ARHGAP15: variants seen among roughly 807,000 people sequenced by gnomAD.
The protein encoded by ARHGAP15 is Rho GTPase activating protein 15.
Under a neutral mutation model 63.7 loss-of-function variants are expected in ARHGAP15, and 51 were observed. The ratio of observed to expected loss-of-function variants is 0.80; its 90% confidence interval spans 0.64 to 1.01. The LOEUF is 1.01. Among genes scored for constraint, ARHGAP15 ranks in the 50% least tolerant of loss-of-function variants. The pLI is 0.00. For synonymous variants in ARHGAP15, 191 were observed against 193.8 expected (o/e 0.99, Z 0.12); for missense variants, 560 against 564.6 (o/e 0.99, Z 0.08).
rs543376915 is a variant in ARHGAP15 at position 143,394,744 on chromosome 2, T to C, written c.475-40857T>C. ...ATCATCCCATACACTTCAATGTCAG[T>C]TGTATTTCACATTTTGAAATGCTTG... On this transcript the variant is annotated intron_variant, in intron 6 of 13. Transcript: ENST00000295095. Among the ~76,000 whole-genome samples, 6 of 152,306 alleles carry C rather than the reference T, an allele frequency of 3.9e-5. No individual in the cohort carries two copies. In the East Asian group the frequency reaches 1.2e-3, roughly 29 times the overall value.
chr2:143,621,012 A>G (rs923635045), intron 11 of ARHGAP15, among the ~76,000 whole-genome samples: 1 of 152,196 alleles, frequency 6.6e-6, no homozygotes, highest in African/African-American at 2.4e-5. Context: ...ATCTTTGTTG[A>G]GTTACTTCTA....
At chr2:143,599,052 G>A (rs547012661) in intron 11 of ARHGAP15, among the ~76,000 whole-genome samples, 57 of 152,064 alleles carry the variant, frequency 3.7e-4, no homozygotes, top group African/African-American at 1.3e-3. Context: ...GGGAGAGTAG[G>A]GGTACATTGT....
chr2:143,207,196 TTGCATATA>T (rs1393703449), intron 3 of ARHGAP15, among the ~76,000 whole-genome samples: 1 of 151,958 alleles, frequency 6.6e-6, no homozygotes, highest in Non-Finnish European at 1.5e-5. Flanking sequence ...GTTGATTTAC[TTGCATATA>T]GTAGGGTTTC....
At chr2:143,387,644 G>A (rs11896013) in intron 6 of ARHGAP15, among the ~76,000 whole-genome samples, 1,613 of 151,916 alleles carry the variant, frequency 0.011, 39 homozygotes, top group African/African-American at 0.037. Flanking sequence ...TTAATTACCA[G>A]GTATGAACCA....
intron 13 of ARHGAP15, among the ~76,000 whole-genome samples, chr2:143,734,964 C>A (rs745524319): frequency 1.5e-4 from 23 of 152,158 alleles, no homozygotes; most frequent in Non-Finnish European, 2.9e-4. Context: ...ATGTCGTGTC[C>A]TCTCTCTTAA....
At chr2:143,205,150 G>A (rs1234683089) in intron 3 of ARHGAP15, among the ~76,000 whole-genome samples, 1 of 151,622 alleles carries the variant, frequency 6.6e-6, no homozygotes, top group East Asian at 1.9e-4. Context: ...AGCCACGTGT[G>A]GTGGCACTCA....
At chr2:143,484,220 G>A (rs1692206062) in intron 8 of ARHGAP15, among the ~76,000 whole-genome samples, 1 of 152,080 alleles carries the variant, frequency 6.6e-6, no homozygotes, top group Admixed American at 6.6e-5. Flanking sequence ...ACAAAAATTA[G>A]CTAGGCATGG....
intron 6 of ARHGAP15, among the ~76,000 whole-genome samples, chr2:143,273,460 CA>C (rs150223724): frequency 6.8e-4 from 102 of 151,018 alleles, no homozygotes; most frequent in African/African-American, 2.0e-3. Flanking sequence ...ATTGTAAAGT[CA>C]AAAAAAATGG....
At chr2:143,254,182 A>G (rs1680304122) in intron 6 of ARHGAP15, among the ~76,000 whole-genome samples, 1 of 152,140 alleles carries the variant, frequency 6.6e-6, no homozygotes, top group Admixed American at 6.6e-5. Context: ...ACTAAGGATT[A>G]AAAGGATTAC....
chr2:143,707,599 A>C (rs1684389288), intron 13 of ARHGAP15, among the ~76,000 whole-genome samples: 1 of 152,200 alleles, frequency 6.6e-6, no homozygotes, highest in African/African-American at 2.4e-5. Flanking sequence ...TCGAGAATGC[A>C]GACTTTTCAA....
intron 12 of ARHGAP15, chr2:143,640,676 GT>G (rs1680558632): frequency 1.3e-5 from 2 of 152,136 alleles, no homozygotes; most frequent in Admixed American, 1.3e-4. Context: ...GAGAGCAATG[GT>G]GGAGAGAACA....
chr2:143,540,581 A>G (rs369801412), intron 10 of ARHGAP15, among the ~76,000 whole-genome samples: 2 of 152,172 alleles, frequency 1.3e-5, no homozygotes, highest in East Asian at 1.9e-4. Context: ...GGTGGTGACA[A>G]AATCTCTCAG....
chr2:143,216,266 T>C, intron 3 of ARHGAP15, 118 bp from the exon 4 acceptor site: 1 of 714,324 alleles, frequency 1.4e-6, no homozygotes, highest in Non-Finnish European at 2.4e-6. Flanking sequence ...GCATTATTAA[T>C]AAAGTTCTAT....
chr2:143,607,442 A>T (rs1223895080), intron 11 of ARHGAP15: 1 of 152,162 alleles, frequency 6.6e-6, no homozygotes, highest in Admixed American at 6.6e-5. Flanking sequence ...GTGAATTATT[A>T]GCCATTTAAA....
At chr2:143,446,213 T>C (rs994494646) in intron 8 of ARHGAP15, among the ~76,000 whole-genome samples, 1 of 150,726 alleles carries the variant, frequency 6.6e-6, no homozygotes, top group African/African-American at 2.4e-5. Flanking sequence ...ATATATGTAT[T>C]TGATCTAGAG....
chr2:143,647,499 G>T (rs1210296977), intron 12 of ARHGAP15, among the ~76,000 whole-genome samples: 2 of 151,868 alleles, frequency 1.3e-5, no homozygotes, highest in East Asian at 3.9e-4. Context: ...CTTTCTACAT[G>T]AACACATTTT....
At chr2:143,474,859 C>T (rs532624769) in intron 8 of ARHGAP15, among the ~76,000 whole-genome samples, 6 of 152,268 alleles carry the variant, frequency 3.9e-5, no homozygotes, top group African/African-American at 9.6e-5. Context: ...AATTTGATTA[C>T]AATTAACTCA....
chr2:143,618,750 A>G (rs1213354679), intron 11 of ARHGAP15, among the ~76,000 whole-genome samples: 1 of 152,220 alleles, frequency 6.6e-6, no homozygotes, highest in East Asian at 1.9e-4. Context: ...TCTAGTTAAA[A>G]TTGGACCTGA....
At chr2:143,656,433 G>T (rs1003785575) in intron 12 of ARHGAP15, among the ~76,000 whole-genome samples, 1 of 152,188 alleles carries the variant, frequency 6.6e-6, no homozygotes, top group Non-Finnish European at 1.5e-5. Flanking sequence ...TGCAAAAGTA[G>T]AAGAGGTACC....
Sources: gnomAD v4.1 joint callset for allele counts (sites outside exome capture counted in the v4.1 genomes callset) on GRCh38, gnomAD v4.1.1 for gene constraint, MANE v1.5 for transcripts, NCBI Gene and HGNC (gene_info 2026-07-23, HGNC 2026-07-21) for gene names.